CNOT4: variants seen among roughly 807,000 people sequenced by gnomAD.
CNOT4 encodes the protein CCR4-NOT transcription complex subunit 4.
A neutral mutation model predicts 73.8 loss-of-function variants in CNOT4; 8 were observed. That is an observed-to-expected ratio of 0.11 (90% CI 0.06 to 0.20). CNOT4 has a LOEUF of 0.20. Ranked by LOEUF, CNOT4 falls within the 10% of genes least tolerant of loss-of-function variation. CNOT4 has a pLI of 1.00. For missense variants in CNOT4, 564 were observed against 883.4 expected, an observed-to-expected ratio of 0.64 and a Z score of 4.58; for synonymous variants, 293 against 321.1, an observed-to-expected ratio of 0.91 and a Z score of 0.94.
chr7:135,434,264 C>T (rs1463103339), intron 2 of CNOT4, among the ~76,000 whole-genome samples: 1 of 152,192 alleles, frequency 6.6e-6, no homozygotes, highest in Non-Finnish European at 1.5e-5. Context: ...CAAAGACTTG[C>T]TTGACTCCGA....
chr7:135,446,758 C>T (rs1490874431), intron 1 of CNOT4, among the ~76,000 whole-genome samples: 1 of 151,496 alleles, frequency 6.6e-6, no homozygotes, highest in Admixed American at 6.6e-5. Flanking sequence ...CACATGCACA[C>T]TTTGGTATTG....
intron 2 of CNOT4, among the ~76,000 whole-genome samples, chr7:135,425,276 G>T (rs1798428308): frequency 6.6e-6 from 1 of 152,092 alleles, no homozygotes; most frequent in African/African-American, 2.4e-5. Flanking sequence ...CCCTCAAGCT[G>T]TTTCCTTTGT....
chr7:135,378,634 A>G (rs1795658608), intron 10 of CNOT4, among the ~76,000 whole-genome samples: 1 of 152,076 alleles, frequency 6.6e-6, no homozygotes, highest in African/African-American at 2.4e-5. Flanking sequence ...CTGGTAATTG[A>G]GTAAAAAGAC....
intron 1 of CNOT4, among the ~76,000 whole-genome samples, chr7:135,450,747 G>C (rs1277292773): frequency 6.6e-6 from 1 of 152,196 alleles, no homozygotes; most frequent in Non-Finnish European, 1.5e-5. Context: ...AACAATGTCT[G>C]TCTAATTTGT....
At chr7:135,383,433 C>T (rs1281796646) in intron 10 of CNOT4, among the ~76,000 whole-genome samples, 4 of 152,166 alleles carry the variant, frequency 2.6e-5, no homozygotes, top group South Asian at 4.1e-4. Flanking sequence ...CCTGGTCCTC[C>T]CCAGCACTCT....
At chr7:135,365,266 A>T (rs1794851740) in intron 10 of CNOT4, among the ~76,000 whole-genome samples, 1 of 152,254 alleles carries the variant, frequency 6.6e-6, no homozygotes, top group Non-Finnish European at 1.5e-5. Flanking sequence ...AACGAAGGTC[A>T]TCTCTGAACT....
chr7:135,410,488 T>C (rs772440057), intron 7 of CNOT4, 27 bp downstream of exon 7: 4 of 1,392,626 alleles, frequency 2.9e-6, no homozygotes, highest in Admixed American at 2.3e-5. Flanking sequence ...GAAGGTAAGA[T>C]GTCTGACTAT....
intron 1 of CNOT4, among the ~76,000 whole-genome samples, chr7:135,494,414 G>A: frequency 6.7e-6 from 1 of 149,258 alleles, no homozygotes. Context: ...AGGTTTCAGG[G>A]AGCCGAGATC....
intron 1 of CNOT4, among the ~76,000 whole-genome samples, chr7:135,471,665 T>C (rs1450234335): frequency 6.6e-6 from 1 of 152,228 alleles, no homozygotes; most frequent in East Asian, 1.9e-4. Flanking sequence ...TGGTCGGAGA[T>C]AATAAAAAGT....
chr7:135,505,463 G>T (rs905077500), intron 1 of CNOT4, among the ~76,000 whole-genome samples: 2 of 152,058 alleles, frequency 1.3e-5, no homozygotes, highest in African/African-American at 4.8e-5. Flanking sequence ...GAGGCAGGAG[G>T]ATTGCTTGAA....
chr7:135,484,380 T>A (rs914498192), intron 1 of CNOT4, among the ~76,000 whole-genome samples: 7 of 152,082 alleles, frequency 4.6e-5, no homozygotes, highest in African/African-American at 1.2e-4. Context: ...CATTTGTAGA[T>A]GACATGACTA....
At chr7:135,373,801 C>T (rs1174637512) in intron 10 of CNOT4, among the ~76,000 whole-genome samples, 1 of 151,944 alleles carries the variant, frequency 6.6e-6, no homozygotes, top group Non-Finnish European at 1.5e-5. Context: ...AGGCTGGTCT[C>T]GAACTCCTGA....
At chr7:135,506,456 G>A (rs1482176899) in intron 1 of CNOT4, among the ~76,000 whole-genome samples, 10 of 152,160 alleles carry the variant, frequency 6.6e-5, no homozygotes, top group Non-Finnish European at 4.4e-5. Context: ...AGAGGCTGAA[G>A]TTTTCACAAA....
At chr7:135,468,684 CAAAA>C (rs34174386) in intron 1 of CNOT4, among the ~76,000 whole-genome samples, 2 of 124,704 alleles carry the variant, frequency 1.6e-5, no homozygotes. Context: ...GACTCTGTCT[CAAAA>C]AAAAAAAAAA....
At chr7:135,449,386 T>C (rs760945445) in intron 1 of CNOT4, among the ~76,000 whole-genome samples, 1 of 152,192 alleles carries the variant, frequency 6.6e-6, no homozygotes, top group African/African-American at 2.4e-5. Flanking sequence ...TATTTCCTTT[T>C]TCAAAGTTTT....
At chr7:135,492,112 AAG>A (rs1803151565) in intron 1 of CNOT4, among the ~76,000 whole-genome samples, 1 of 152,106 alleles carries the variant, frequency 6.6e-6, no homozygotes, top group South Asian at 2.1e-4. Flanking sequence ...GAGTATGAGG[AAG>A]AGTGTTGGAA....
At chr7:135,366,300 T>C (rs1794910158) in intron 10 of CNOT4, among the ~76,000 whole-genome samples, 2 of 152,186 alleles carry the variant, frequency 1.3e-5, no homozygotes, top group Non-Finnish European at 2.9e-5. Context: ...TTTACATAAA[T>C]CTTATTTGAA....
chr7:135,448,987 A>G (rs1238432771), intron 1 of CNOT4, among the ~76,000 whole-genome samples: 1 of 152,218 alleles, frequency 6.6e-6, no homozygotes, highest in Non-Finnish European at 1.5e-5. Flanking sequence ...GAACATACAC[A>G]TAATGGGAGT....
intron 1 of CNOT4, among the ~76,000 whole-genome samples, chr7:135,452,065 T>G (rs376050191): frequency 6.6e-6 from 1 of 151,308 alleles, no homozygotes; most frequent in East Asian, 2.0e-4. Flanking sequence ...CTGGGCAACA[T>G]AGCGAGACCC....
Sources: gnomAD v4.1 joint callset for allele counts (sites outside exome capture counted in the v4.1 genomes callset) on GRCh38, gnomAD v4.1.1 for gene constraint, MANE v1.5 for transcripts, NCBI Gene and HGNC (gene_info 2026-07-23, HGNC 2026-07-21) for gene names.